RBBP6: variants seen among roughly 807,000 people sequenced by gnomAD.
The protein encoded by RBBP6 is E3 ubiquitin-protein ligase RBBP6.
In RBBP6, 25 loss-of-function variants were observed where a neutral mutation model predicts 167.7. The ratio of observed to expected loss-of-function variants is 0.15; its 90% CI spans 0.11 to 0.21. The LOEUF (loss-of-function observed/expected upper bound fraction) is 0.21. RBBP6 is among the 10% of genes least tolerant of loss of function. The pLI is 1.00. For missense variants in RBBP6, 1,868 were observed against 2,134.2 expected, an observed-to-expected ratio of 0.88 and a Z score of 2.46; for synonymous variants, 789 against 735.8, an observed-to-expected ratio of 1.07 and a Z score of -1.17.
At position 24,559,500 on chromosome 16, in the gene RBBP6, T is replaced by G. The variant is rs1898997398; in HGVS notation, c.675-5T>G. ...ATGGTAAAACATGAAAACTTTCTTT[T>G]ACAGAGAAGCATATGCAATTGGGAA... On this transcript the variant is annotated splice_region_variant and splice_polypyrimidine_tract_variant and intron_variant, in intron 7 of 17. Transcript: ENST00000319715. 6.3e-7 allele frequency: 1 copy of G among 1,589,034 alleles called. No individual in the cohort carries two copies. The highest frequency in any genetic ancestry group is 1.4e-5 in the African/African-American group (1 of 73,550).
At position 24,567,951 on chromosome 16, in the gene RBBP6, G is replaced by A; in HGVS notation, c.2054+58G>A. 13 of 1,382,670 alleles carry A rather than the reference G, an allele frequency of 9.4e-6. 1 individual carries two copies. The South Asian group carries it at 1.6e-4, about 17-fold the overall frequency. The allele number at this position is 1,382,670 out of a possible 1,614,324, so 85.7% of individuals were successfully genotyped here. On this transcript the variant is annotated intron_variant, in intron 16 of 17. Coordinates refer to ENST00000319715, the MANE Select transcript of RBBP6 (RefSeq NM_006910.5). Reference sequence around the variant, plus strand: ...ACAAACGGGACTTTGAATATCCAGGGATTAGCTATGGATATAAAGAACATT... The same window carrying A: ...ACAAACGGGACTTTGAATATCCAGGAATTAGCTATGGATATAAAGAACATT...
At chr16:24,554,751 G>A (rs1410835275) in intron 4 of RBBP6, 1 of 147,498 alleles carries the variant, frequency 6.8e-6, no homozygotes, top group Non-Finnish European at 1.5e-5. Context: ...GAGTTGGGGC[G>A]GTTTGGGGGA....
chr16:24,549,319 T>G, intron 3 of RBBP6: 1 of 1,129,968 alleles, frequency 8.8e-7, no homozygotes, highest in Non-Finnish European at 1.1e-6. Flanking sequence ...TCTACATTTG[T>G]CTGTCTATAG....
intron 1 of RBBP6, among the ~76,000 whole-genome samples, chr16:24,545,099 GAC>G (rs983879063): frequency 2.2e-4 from 33 of 152,034 alleles, no homozygotes; most frequent in African/African-American, 8.0e-4. Flanking sequence ...CTTTTTTTGA[GAC>G]AGAGTCTTGC....
chr16:24,570,488 G>A lies in RBBP6; in HGVS notation c.3798G>A (p.Val1266=). The A allele has an allele frequency of 1.9e-6, 3 of 1,579,824 alleles. No homozygotes were observed. Among genetic ancestry groups the A allele is most frequent in the South Asian group, 1.2e-5 (1 of 84,776 alleles). ...TGTEGSSSTL[V]DYTSTSSTGG... is the part of the protein sequence containing the mutation. ...CTGAAGGATCCAGCTCAACTCTGGTGGATTACACCAGGTAGCTGAGTGTAG... is the reference window on the plus strand; with the variant it reads ...CTGAAGGATCCAGCTCAACTCTGGTAGATTACACCAGGTAGCTGAGTGTAG... Residue 1266 remains valine, a synonymous_variant, in exon 17 of 18, where the codon GTG becomes GTA. Transcript: ENST00000319715.
chr16:24,555,534 C>A, intron 4 of RBBP6, 81 bp from the exon 5 acceptor site: 2 of 1,060,200 alleles, frequency 1.9e-6, no homozygotes, highest in Non-Finnish European at 1.4e-6. Flanking sequence ...CTGCTCTTTA[C>A]AGGATGAGTG....
At chr16:24,563,074 G>A in intron 10 of RBBP6, 125 bp from the exon 11 acceptor site, 1 of 665,712 alleles carries the variant, frequency 1.5e-6, no homozygotes, top group Non-Finnish European at 2.5e-6. Context: ...TTCCTCAGAA[G>A]TATTCATCAT....
chr16:24,556,429 C>G lies in RBBP6; in HGVS notation c.656C>G (p.Ala219Gly). ...ATGCTTACCAACACTGGAAAATATG[C>G]AATACCAACTATAGATGCGTAAGTA... Reference protein sequence around the residue: ...GAMLTNTGKYAIPTIDAEAYA... With the variant: ...GAMLTNTGKYGIPTIDAEAYA... Residue 219 changes from alanine to glycine, a missense_variant, in exon 7 of 18, where the codon GCA becomes GGA. Physicochemically the swap from Ala to Gly is moderately conservative, Grantham distance 60. Coordinates refer to ENST00000319715, the MANE Select transcript of RBBP6 (RefSeq NM_006910.5). 1 of 1,612,174 alleles carries G rather than the reference C, an allele frequency of 6.2e-7. No individual in the cohort carries two copies. Among genetic ancestry groups the G allele is most frequent in the Non-Finnish European group, 8.5e-7 (1 of 1,178,732 alleles).
At chr16:24,563,334 C>T (rs1317133473) in intron 11 of RBBP6, 39 bp downstream of exon 11, 3 of 1,557,862 alleles carry the variant, frequency 1.9e-6, no homozygotes, top group Admixed American at 1.8e-5. Context: ...ATTTTTTTTA[C>T]AGCAGGGTTT....
At position 24,571,547 on chromosome 16, in the gene RBBP6, TAAC is replaced by T. The variant is rs776866958; in HGVS notation, c.4484_4486del (p.Thr1495del). The T allele has an allele frequency of 6.9e-5, 112 of 1,613,000 alleles. No individual in the cohort carries two copies. In the South Asian group the frequency reaches 8.8e-4, roughly 13 times the overall value. On this transcript the variant is annotated inframe_deletion, in exon 18 of 18. Coordinates refer to ENST00000319715, the MANE Select transcript of RBBP6 (RefSeq NM_006910.5). ...AAACGTAGAGATGAAAAGAATGAAT[TAAC>T]AAGACGAAAAGACTCTCCTTCTCGG...
chr16:24,556,790 ATTGTAATCATTTTGAGAAACAGG>A (rs1898921515), intron 7 of RBBP6, among the ~76,000 whole-genome samples: 1 of 152,150 alleles, frequency 6.6e-6, no homozygotes, highest in African/African-American at 2.4e-5. Flanking sequence ...AACAAAACAG[ATTGTAATCATTTTGAGAAACAGG>A]AGGCTTAAGA....
intron 2 of RBBP6, 126 bp downstream of exon 2, chr16:24,546,388 C>CT (rs963186186): frequency 8.9e-7 from 1 of 1,129,594 alleles, no homozygotes; most frequent in African/African-American, 1.6e-5. Context: ...CTTCTCAAGA[C>CT]TGTGAGGATA....
At chr16:24,553,465 A>C (rs754623948) in intron 3 of RBBP6, 48 bp from the exon 4 acceptor site, 35 of 1,516,776 alleles carry the variant, frequency 2.3e-5, no homozygotes, top group Non-Finnish European at 3.2e-5. Flanking sequence ...TCACTTTAAG[A>C]TGTTTTCAGT....
intron 14 of RBBP6, among the ~76,000 whole-genome samples, chr16:24,566,312 CTG>C (rs1276597756): frequency 6.6e-6 from 1 of 152,214 alleles, no homozygotes; most frequent in Non-Finnish European, 1.5e-5. Flanking sequence ...TTAGCCAACA[CTG>C]TTATTTTTAC....
rs982307156 is a variant in RBBP6, at chr16:24,572,097, G to A, written c.5031G>A (p.Leu1677=). ...TAGTGGAGAAAGCAAAAGAGAGCCT[G>A]GACACAGCAGCAGTTGTCCAGGTGG... ...DKIVEKAKES[L]DTAAVVQVGI... Residue 1677 remains leucine, a synonymous_variant, in exon 18 of 18, where the codon CTG becomes CTA. Transcript: ENST00000319715. The A allele has an allele frequency of 1.1e-5, 17 of 1,614,006 alleles. No homozygotes were observed. The highest frequency in any genetic ancestry group is 1.4e-5 in the Non-Finnish European group (16 of 1,180,034).
intron 17 of RBBP6, 99 bp from the exon 18 acceptor site, chr16:24,570,777 A>T (rs1295996008): frequency 1.9e-6 from 2 of 1,049,306 alleles, no homozygotes; most frequent in African/African-American, 3.3e-5. Context: ...TAATGTTAAA[A>T]GGACATTTGT....
chr16:24,550,587 T>C (rs918510809), intron 3 of RBBP6, among the ~76,000 whole-genome samples: 1 of 151,848 alleles, frequency 6.6e-6, no homozygotes, highest in African/African-American at 2.4e-5. Context: ...AAAACAGTTA[T>C]TTCCTTTTTG....
In RBBP6 at chr16:24,570,291, T is replaced by C. The variant is rs777538256; in HGVS notation, c.3601T>C (p.Ser1201Pro). The change falls in exon 17 of 18, where the codon TCT becomes CCT. Residue 1201 changes from serine (S) to proline (P), a missense_variant. By Grantham distance (74) the Ser-to-Pro change is moderately conservative (BLOSUM62 -1). Around this residue, in one of 7 missense-constraint regions of RBBP6, gnomAD observed 673 missense variants for 691.5 expected, o/e 0.97. Coordinates refer to ENST00000319715, the MANE Select transcript of RBBP6 (RefSeq NM_006910.5). ...TAGGACCCCTGAAAAGGACAAAATT[T>C]CTTTAAGTGCGCCAGCCAAAAAAAT... ...MDRTPEKDKI[S>P]LSAPAKKIKL... 6.2e-7 allele frequency: 1 copy of C among 1,609,936 alleles called. No individual in the cohort carries two copies. The highest frequency in any genetic ancestry group is 1.1e-5 in the South Asian group (1 of 89,600).
intron 7 of RBBP6, chr16:24,558,341 C>G (rs571595664): frequency 2.5e-6 from 1 of 395,030 alleles, no homozygotes; most frequent in South Asian, 1.1e-4. Flanking sequence ...AACTCAGACT[C>G]TTCTTCTGTT....
Sources: allele counts gnomAD v4.1 joint callset (sites outside exome capture counted in the v4.1 genomes callset), GRCh38; gene constraint gnomAD v4.1.1; regional missense constraint gnomAD v4.1.1; transcripts MANE v1.5; gene names NCBI Gene and HGNC (gene_info 2026-07-23, HGNC 2026-07-21).